Variants in DERA observed in about 807,000 individuals in gnomAD.
DERA encodes the protein deoxyribose-phosphate aldolase, also known as 2-deoxy-D-ribose 5-phosphate aldolase.
In DERA, 15 loss-of-function variants were observed where a neutral mutation model predicts 41.1. That is an observed-to-expected ratio of 0.37 (90% confidence interval 0.24 to 0.56). The LOEUF is 0.56. Among genes scored for constraint, DERA ranks in the 20% least tolerant of loss-of-function variants. DERA has a pLI of 0.81. For synonymous variants in DERA, 139 were observed against 137.4 expected (o/e 1.01, Z -0.08); for missense variants, 396 against 403.4 (o/e 0.98, Z 0.16).
At position 16,035,880 on chromosome 12, in the gene DERA, T is replaced by C. The variant is rs1052945670; in HGVS notation, c.751-352T>C. 1.2e-4 allele frequency among the ~76,000 whole-genome samples: 18 copies of C among 152,354 alleles called. No individual in the cohort carries two copies. The highest frequency in any genetic ancestry group is 4.3e-4 in the African/African-American group (18 of 41,574). ...GTAGAATGAGTGGGCTTTGCTTTTG[T>C]GATCTGTTTTCCTATTTATTGACAC... On this transcript the variant is annotated intron_variant, in intron 7 of 8. Transcript: ENST00000428559. The surrounding 1 kb of genome is among the most constrained non-coding windows in gnomAD (Gnocchi z 4.1).
chr12:16,023,813 C>T (rs954657050), intron 6 of DERA, among the ~76,000 whole-genome samples: 3 of 152,128 alleles, frequency 2.0e-5, no homozygotes, highest in Non-Finnish European at 4.4e-5. Context: ...GTATCAGAAT[C>T]AGATTCAGAT....
intron 1 of DERA, among the ~76,000 whole-genome samples, chr12:15,917,131 C>A (rs1948206330): frequency 6.6e-6 from 1 of 152,070 alleles, no homozygotes; most frequent in Non-Finnish European, 1.5e-5. Flanking sequence ...CTTACAAAGT[C>A]CCCATATTTC....
rs574912913 is a variant in DERA at position 16,037,071 on chromosome 12, G to C, written c.*325G>C. 1 of 246,482 alleles carries C rather than the reference G, an allele frequency of 4.1e-6. No homozygotes were observed. The allele number at this position is 246,482 out of a possible 1,614,324, so 15.3% of individuals were successfully genotyped here. A position where few individuals can be genotyped will look rare whatever the true frequency, so the allele number is the denominator to read the frequency against. On this transcript the variant is annotated 3_prime_UTR_variant, in exon 9 of 9. Coordinates refer to ENST00000428559, the MANE Select transcript of DERA (RefSeq NM_015954.4). The surrounding 1 kb of genome is among the most constrained non-coding windows in gnomAD (Gnocchi z 6.7). ...AGGGAGAAAAAAACAATATTAAACC[G>C]CCCAAGCAGTGTGCCCTAGCAGAGG...
rs1261984471 is a variant in DERA at position 16,019,432 on chromosome 12, A to G, written c.638-13110A>G. On this transcript the variant is annotated intron_variant, in intron 6 of 8. Transcript: ENST00000428559. This position sits in a 1 kb window ranked among gnomAD's most constrained non-coding sequence, Gnocchi z 4.4. The stretch of plus-strand genomic sequence containing the variant: ...TGTGATCAGACCTCACATTACCTAA[A>G]GAACAGAGCCCAATGTCTGTGGGTT... 6.6e-6 allele frequency among the ~76,000 whole-genome samples: 1 copy of G among 152,220 alleles called. No homozygotes were observed. Among genetic ancestry groups the G allele is most frequent in the African/African-American group, 2.4e-5 (1 of 41,462 alleles).
Position 16,000,568 on chromosome 12 carries a change from G to A in DERA, c.637+18132G>A, listed in dbSNP as rs546218130. Among the ~76,000 whole-genome samples, 12 of 152,224 alleles carry A rather than the reference G, an allele frequency of 7.9e-5. No homozygotes were observed. The South Asian group carries it at 2.5e-3, about 32-fold the overall frequency. On this transcript the variant is annotated intron_variant, in intron 6 of 8. Transcript: ENST00000428559. This position sits in a 1 kb window ranked among gnomAD's most constrained non-coding sequence, Gnocchi z 4.8. ...TTTGTAAAAAATTTATCACCAACTG[G>A]GGCATTGAAAGTAAGTTTCCTATGT...
chr12:15,988,206 G>A lies in DERA; in HGVS notation c.637+5770G>A, dbSNP rs867778097. Among the ~76,000 whole-genome samples, 1 of 152,134 alleles carries A rather than the reference G, an allele frequency of 6.6e-6. No individual in the cohort carries two copies. Among genetic ancestry groups the A allele is most frequent in the Admixed American group, 6.5e-5 (1 of 15,282 alleles). On this transcript the variant is annotated intron_variant, in intron 6 of 8. Transcript: ENST00000428559. This position sits in a 1 kb window ranked among gnomAD's most constrained non-coding sequence, Gnocchi z 6.0. ...GGGCCGCAGCTCCTTCTTCCTTCTC[G>A]TTACCTGCAATGTGGTGAGTCGGGG... is the stretch of plus-strand genomic sequence containing the variant.
Position 15,943,881 on chromosome 12 carries a change from C to G in DERA, c.32-13055C>G, listed in dbSNP as rs1177863326. ...CTCCTAATGCTATCCCTCCCCCCTC[C>G]CCCCACCCCACGACAGACCCTGGTG... On this transcript the variant is annotated intron_variant, in intron 1 of 8. Coordinates refer to ENST00000428559, the MANE Select transcript of DERA (RefSeq NM_015954.4). This position sits in a 1 kb window ranked among gnomAD's most constrained non-coding sequence, Gnocchi z 4.5. Among the ~76,000 whole-genome samples, 1 of 114,424 alleles carries G rather than the reference C, an allele frequency of 8.7e-6. No individual in the cohort carries two copies. Among genetic ancestry groups the G allele is most frequent in the African/African-American group, 3.3e-5 (1 of 30,762 alleles). 75.1% of individuals were successfully genotyped at this position (114,424 alleles called of 152,430 possible). A position where few individuals can be genotyped will look rare whatever the true frequency, so the allele number is the denominator to read the frequency against.
At chr12:15,997,737 G>C (rs1476476989) in intron 6 of DERA, among the ~76,000 whole-genome samples, 1 of 152,156 alleles carries the variant, frequency 6.6e-6, no homozygotes, top group Non-Finnish European at 1.5e-5. Flanking sequence ...CCAGCAGCTA[G>C]TAAATTATGT....
chr12:15,921,955 C>A lies in DERA; in HGVS notation c.31+10541C>A, dbSNP rs748009620. ...ATAATAATAATAATAAATAATTTTC[C>A]AAGGAATAAACAAGAAATGTATTTT... On this transcript the variant is annotated intron_variant, in intron 1 of 8. Coordinates refer to ENST00000428559, the MANE Select transcript of DERA (RefSeq NM_015954.4). This position sits in a 1 kb window ranked among gnomAD's most constrained non-coding sequence, Gnocchi z 5.3. 2.0e-5 allele frequency among the ~76,000 whole-genome samples: 3 copies of A among 151,936 alleles called. No homozygotes were observed. Among genetic ancestry groups the A allele is most frequent in the Non-Finnish European group, 2.9e-5 (2 of 68,008 alleles).
intron 1 of DERA, among the ~76,000 whole-genome samples, chr12:15,927,669 G>A (rs1948297230): frequency 6.6e-6 from 1 of 152,112 alleles, no homozygotes; most frequent in Admixed American, 6.5e-5. Flanking sequence ...GCAAGAGAAT[G>A]GTGAGCCAGG....
rs76833053 is a variant in DERA at position 15,935,169 on chromosome 12, T to A, written c.32-21767T>A. Among the ~76,000 whole-genome samples, 1,122 of 152,320 alleles carry A rather than the reference T, an allele frequency of 7.4e-3. 22 individuals are homozygous for A. Among genetic ancestry groups the A allele is most frequent in the African/African-American group, 0.026 (1,090 of 41,582 alleles). ...CTGAATTTAAATACATGGACATCCATTGCTATGATATTTTAAAGTTTCACT... is the reference window on the plus strand; with the variant it reads ...CTGAATTTAAATACATGGACATCCAATGCTATGATATTTTAAAGTTTCACT... On this transcript the variant is annotated intron_variant, in intron 1 of 8. Transcript: ENST00000428559. The surrounding 1 kb of genome is among the most constrained non-coding windows in gnomAD (Gnocchi z 4.8).
Position 15,983,823 on chromosome 12 carries a change from T to C in DERA, c.637+1387T>C, listed in dbSNP as rs1948747426. On this transcript the variant is annotated intron_variant, in intron 6 of 8. Transcript: ENST00000428559. The surrounding 1 kb of genome is among the most constrained non-coding windows in gnomAD (Gnocchi z 6.2). ...ATGGTGCTGTTGCTCTGGGCACAAC[T>C]GCTGTATCTAGAAAATATCTGCAGT... is the stretch of plus-strand genomic sequence containing the variant. Among the ~76,000 whole-genome samples the C allele has an allele frequency of 6.6e-6, 1 of 152,192 alleles. No individual in the cohort carries two copies. Among genetic ancestry groups the C allele is most frequent in the Non-Finnish European group, 1.5e-5 (1 of 68,038 alleles).
rs143472552 is a variant in DERA, at chr12:16,003,196, C to T, written c.637+20760C>T. Among the ~76,000 whole-genome samples, 362 of 152,266 alleles carry T rather than the reference C, an allele frequency of 2.4e-3. No individual in the cohort carries two copies. Among genetic ancestry groups the T allele is most frequent in the African/African-American group, 8.4e-3 (348 of 41,536 alleles). Reference sequence around the variant, plus strand: ...GCTTGTAGAAGCCTCACCCTGGTCTCTGCCTTTGTGATGATATGGTGTTCT... The same window carrying T: ...GCTTGTAGAAGCCTCACCCTGGTCTTTGCCTTTGTGATGATATGGTGTTCT... On this transcript the variant is annotated intron_variant, in intron 6 of 8. Transcript: ENST00000428559. The surrounding 1 kb of genome is among the most constrained non-coding windows in gnomAD (Gnocchi z 4.8).
rs369289804 is a variant in DERA, at chr12:15,958,296, C to G, written c.238C>G (p.Arg80Gly). 1.9e-6 allele frequency: 3 copies of G among 1,603,174 alleles called. No individual in the cohort carries two copies. In the African/African-American group the frequency reaches 4.0e-5, roughly 21 times the overall value. Residue 80 changes from arginine to glycine, a missense_variant, in exon 3 of 9, where the codon CGG becomes GGG. Coordinates refer to ENST00000428559, the MANE Select transcript of DERA (RefSeq NM_015954.4). Reference sequence around the variant, plus strand: ...CTGTTATAAAGCCAAATACCCAATCCGGGAAGATCTCTTAAAAGCTTTAAA... The same window carrying G: ...CTGTTATAAAGCCAAATACCCAATCGGGGAAGATCTCTTAAAAGCTTTAAA... Reference protein sequence around the residue: ...RLCYKAKYPIREDLLKALNMH... With the variant: ...RLCYKAKYPIGEDLLKALNMH...
chr12:15,926,690 C>G lies in DERA; in HGVS notation c.31+15276C>G, dbSNP rs1378514124. On this transcript the variant is annotated intron_variant, in intron 1 of 8. Transcript: ENST00000428559. ...GGCGGAGCTTGCAGTGAGCGGAGATCCCACCACTGCACTCCCGCCTGGGGC... is the reference window on the plus strand; with the variant it reads ...GGCGGAGCTTGCAGTGAGCGGAGATGCCACCACTGCACTCCCGCCTGGGGC... 3.3e-5 allele frequency among the ~76,000 whole-genome samples: 5 copies of G among 151,486 alleles called. No individual in the cohort carries two copies. The South Asian group carries it at 1.0e-3, about 32-fold the overall frequency.
chr12:15,956,637 C>T, intron 1 of DERA: 1 of 438,132 alleles, frequency 2.3e-6, no homozygotes, highest in Non-Finnish European at 4.4e-6. Context: ...CGTCGTTAGA[C>T]ATGTCTGTGT....
In DERA at chr12:16,026,352, G is replaced by T. The variant is rs1949053203; in HGVS notation, c.638-6190G>T. On this transcript the variant is annotated intron_variant, in intron 6 of 8. Coordinates refer to ENST00000428559, the MANE Select transcript of DERA (RefSeq NM_015954.4). This position sits in a 1 kb window ranked among gnomAD's most constrained non-coding sequence, Gnocchi z 4.4. ...TTACCCATATCGGAAATGAAAGAAG[G>T]GTCATCTCCTCTTCCCATGGATATT... 6.6e-6 allele frequency among the ~76,000 whole-genome samples: 1 copy of T among 150,806 alleles called. No individual in the cohort carries two copies. Among genetic ancestry groups the T allele is most frequent in the South Asian group, 2.1e-4 (1 of 4,784 alleles).
At chr12:15,912,275 CT>C (rs1277592088) in intron 1 of DERA, among the ~76,000 whole-genome samples, 2 of 152,064 alleles carry the variant, frequency 1.3e-5, no homozygotes, top group African/African-American at 4.8e-5. Context: ...TTGCACCGCC[CT>C]TAATCCATTT....
intron 1 of DERA, among the ~76,000 whole-genome samples, chr12:15,934,822 G>T (rs1269189496): frequency 6.6e-6 from 1 of 152,150 alleles, no homozygotes; most frequent in African/African-American, 2.4e-5. Flanking sequence ...AATACTTCAT[G>T]CTGGGAACCT....
Sources: gnomAD v4.1 joint callset for allele counts (sites outside exome capture counted in the v4.1 genomes callset) on GRCh38, gnomAD v4.1.1 for gene constraint, Gnocchi (gnomAD v3.1) non-coding constraint, MANE v1.5 for transcripts, NCBI Gene and HGNC (gene_info 2026-07-23, HGNC 2026-07-21) for gene names.